DOCK11: variants seen among roughly 807,000 people sequenced by gnomAD.
The protein encoded by DOCK11 is dedicator of cytokinesis protein 11.
Under a neutral mutation model 169.1 loss-of-function variants are expected in DOCK11, and 70 were observed. The ratio of observed to expected loss-of-function variants is 0.41; its 90% CI spans 0.34 to 0.51. The LOEUF (loss-of-function observed/expected upper bound fraction) is 0.51, where lower values mean the gene tolerates loss of function less well. DOCK11 is among the 20% of genes least tolerant of loss of function. DOCK11 has a pLI of 0.10. For synonymous variants in DOCK11, 529 were observed against 541.3 expected, an observed-to-expected ratio of 0.98 and a Z score of 0.32; for missense variants, 1,166 against 1,538.8, an observed-to-expected ratio of 0.76 and a Z score of 4.05.
intron 1 of DOCK11, among the ~76,000 whole-genome samples, chrX:118,513,758 T>C (rs1327337785): frequency 1.8e-5 from 2 of 111,141 alleles, no homozygotes; most frequent in Non-Finnish European, 3.8e-5. Flanking sequence ...ACCTTTTGCA[T>C]GAGAGTCAAA....
chrX:118,680,471 T>G lies in DOCK11; in HGVS notation c.5461-11T>G, dbSNP rs755490720. ...ATAAAATAAATAAATAAAAACTTTC[T>G]TATTTTATAGGTAAATGCCAAAGAG... On this transcript the variant is annotated splice_polypyrimidine_tract_variant and intron_variant, in intron 48 of 52. Transcript: ENST00000276202. 1.0e-5 allele frequency: 10 copies of G among 983,118 alleles called. No homozygotes were observed. In the African/African-American group the frequency reaches 2.0e-4, roughly 20 times the overall value. 81.0% of individuals were successfully genotyped at this position (983,118 alleles called of 1,213,427 possible).
chrX:118,505,158 G>C (rs1031046488), intron 1 of DOCK11, among the ~76,000 whole-genome samples: 13 of 111,681 alleles, frequency 1.2e-4, no homozygotes, highest in Non-Finnish European at 2.1e-4. Context: ...CTAGTAGCTG[G>C]GACTACAGGT....
chrX:118,683,960 A>G (rs752655291), intron 52 of DOCK11, among the ~76,000 whole-genome samples: 1 of 112,188 alleles, frequency 8.9e-6, no homozygotes, highest in East Asian at 2.8e-4. Context: ...TATGCAAGCC[A>G]TCCTGTCATT....
At chrX:118,528,222 C>T (rs186560846) in intron 1 of DOCK11, among the ~76,000 whole-genome samples, 156 of 112,235 alleles carry the variant, frequency 1.4e-3, no homozygotes, top group Non-Finnish European at 2.7e-3. Context: ...CCAGTTGATC[C>T]CAGGGCTTGT....
chrX:118,555,293 G>T (rs184258189), intron 6 of DOCK11, among the ~76,000 whole-genome samples: 40 of 111,534 alleles, frequency 3.6e-4, no homozygotes, highest in African/African-American at 1.2e-3. Context: ...GGTGGCTCAT[G>T]CCTGTAATGC....
At chrX:118,669,705 A>G (rs1157809136) in intron 45 of DOCK11, among the ~76,000 whole-genome samples, 1 of 112,578 alleles carries the variant, frequency 8.9e-6, no homozygotes, top group Non-Finnish European at 1.9e-5. Context: ...TAAGACTGCA[A>G]TATCAAAGTA....
rs1366485091 is a variant in DOCK11, at chrX:118,675,987, G to A, written c.5251G>A (p.Glu1751Lys). 2 of 1,200,967 alleles carry A rather than the reference G, an allele frequency of 1.7e-6. No homozygotes were observed. The highest frequency in any genetic ancestry group is 2.2e-6 in the Non-Finnish European group (2 of 891,976). The stretch of plus-strand genomic sequence containing the variant: ...TCATGGAGCTTACACAAAAATTCTG[G>A]AAGTTATGCATACAAAAAAGAGACT... ...TLHGAYTKIL[E>K]VMHTKKRLLG... The change falls in exon 47 of 53, where the codon GAA (glutamate) becomes AAA (lysine). Residue 1751 changes from glutamate to lysine, a missense_variant. By Grantham distance (56) the Glu-to-Lys change is moderately conservative. Coordinates refer to ENST00000276202, the MANE Select transcript of DOCK11 (RefSeq NM_144658.4).
rs746544124 is a variant in DOCK11 at position 118,683,060 on chromosome X, C to A, written c.5964-19C>A. On this transcript the variant is annotated intron_variant, in intron 51 of 52. Coordinates refer to ENST00000276202, the MANE Select transcript of DOCK11 (RefSeq NM_144658.4). ...TAAGAATAAATAACAAGACCTTTAT[C>A]TTTGATATTCATCCACAGGAAATTT... The A allele has an allele frequency of 1.7e-6, 2 of 1,189,138 alleles. No individual in the cohort carries two copies. Among genetic ancestry groups the A allele is most frequent in the Non-Finnish European group, 1.1e-6 (1 of 884,291 alleles).
In DOCK11 at chrX:118,649,012, G is replaced by A; in HGVS notation, c.4466G>A (p.Cys1489Tyr). 2.5e-6 allele frequency: 3 copies of A among 1,208,564 alleles called. No individual in the cohort carries two copies. Among genetic ancestry groups the A allele is most frequent in the Non-Finnish European group, 3.4e-6 (3 of 893,708 alleles). ...GCATTTTGCTATGAGGTTTTAAAGT[G>A]CTGCACATCGAAGATTAGCTCAACC... Reference protein sequence around the residue: ...CAAFCYEVLKCCTSKISSTRN... With the variant: ...CAAFCYEVLKYCTSKISSTRN... Residue 1489 changes from cysteine (C) to tyrosine (Y), a missense_variant, in exon 41 of 53, where the codon TGC becomes TAC. Physicochemically the swap from Cys to Tyr is radical, Grantham distance 194. Coordinates refer to ENST00000276202, the MANE Select transcript of DOCK11 (RefSeq NM_144658.4).
At chrX:118,546,210 CAAAAAAAA>C (rs1556269491) in intron 6 of DOCK11, 94 bp downstream of exon 6, 17 of 49,268 alleles carry the variant, frequency 3.5e-4, no homozygotes, top group Admixed American at 1.0e-3. Context: ...AGAGCCCTAG[CAAAAAAAA>C]AAAAAAAAAA....
intron 16 of DOCK11, among the ~76,000 whole-genome samples, chrX:118,585,922 G>A (rs924833557): frequency 8.9e-6 from 1 of 112,012 alleles, no homozygotes; most frequent in African/African-American, 3.2e-5. Context: ...TAGTAATAAT[G>A]CCAGTAAGGC....
chrX:118,538,158 A>G (rs1052403759), intron 1 of DOCK11, among the ~76,000 whole-genome samples: 2 of 112,310 alleles, frequency 1.8e-5, no homozygotes, highest in African/African-American at 6.5e-5. Flanking sequence ...AAATGATAAT[A>G]CAGATGGTGT....
intron 10 of DOCK11, 128 bp from the exon 11 acceptor site, chrX:118,572,195 A>G (rs1360938444): frequency 3.5e-6 from 2 of 567,333 alleles, no homozygotes; most frequent in African/African-American, 2.3e-5. Flanking sequence ...GTTAGATGAA[A>G]ACATAAAAAG....
Position 118,648,977 on chromosome X carries a change from C to T in DOCK11, c.4431C>T (p.Asn1477=). ...CAGCATTTTTCAAAGGAAGAGTAAA[C>T]ATGTGTGCTGCATTTTGCTATGAGG... The part of the protein sequence containing the change: ...FPSAFFKGRV[N]MCAAFCYEVL... The change falls in exon 41 of 53, where the codon AAC becomes AAT. Residue 1477 remains asparagine (N), a synonymous_variant. Coordinates refer to ENST00000276202, the MANE Select transcript of DOCK11 (RefSeq NM_144658.4). 5 of 1,197,974 alleles carry T rather than the reference C, an allele frequency of 4.2e-6. No homozygotes were observed. The highest frequency in any genetic ancestry group is 5.6e-6 in the Non-Finnish European group (5 of 890,213).
intron 9 of DOCK11, 135 bp from the exon 10 acceptor site, chrX:118,567,944 G>T: frequency 3.3e-6 from 1 of 303,006 alleles, no homozygotes; most frequent in Non-Finnish European, 5.9e-6. Flanking sequence ...TTCCTGTTTT[G>T]TACTGACTAC....
At chrX:118,519,468 T>C (rs1444658659) in intron 1 of DOCK11, among the ~76,000 whole-genome samples, 1 of 111,883 alleles carries the variant, frequency 8.9e-6, no homozygotes, top group Non-Finnish European at 1.9e-5. Context: ...GAGAAATGCT[T>C]GAACCTGGGA....
At chrX:118,643,407 G>T (rs1228145108) in intron 39 of DOCK11, 50 bp from the exon 40 acceptor site, 1 of 1,146,538 alleles carries the variant, frequency 8.7e-7, no homozygotes. Flanking sequence ...GGTGAAATCA[G>T]TTCTGTCATT....
intron 44 of DOCK11, among the ~76,000 whole-genome samples, chrX:118,656,219 A>T (rs1490563669): frequency 9.1e-6 from 1 of 110,469 alleles, no homozygotes; most frequent in East Asian, 2.8e-4. Flanking sequence ...TGAGCCCAGG[A>T]CACTGCACTT....
In DOCK11 at chrX:118,671,157, G is replaced by A. The variant is rs1373474732; in HGVS notation, c.5199+12G>A. ...GTCGTGAGTTTGAGGTAGGCAATTT[G>A]AACATTTTTATCATTGACTTATGTA... On this transcript the variant is annotated intron_variant, in intron 46 of 52. Transcript: ENST00000276202. 2 of 1,195,887 alleles carry A rather than the reference G, an allele frequency of 1.7e-6. No homozygotes were observed. The highest frequency in any genetic ancestry group is 2.3e-6 in the Non-Finnish European group (2 of 885,729).
Sources: allele counts gnomAD v4.1 joint callset (sites outside exome capture counted in the v4.1 genomes callset), GRCh38; gene constraint gnomAD v4.1.1; transcripts MANE v1.5; gene names NCBI Gene and HGNC (gene_info 2026-07-23, HGNC 2026-07-21).